SNTG1: variants seen among roughly 807,000 people sequenced by gnomAD.
The protein encoded by SNTG1 is gamma-1-syntrophin.
In SNTG1, 39 loss-of-function variants were observed where a neutral mutation model predicts 74.7. The observed-to-expected ratio is 0.52, with a 90% CI of 0.40 to 0.68. SNTG1 has a LOEUF of 0.68. Ranked by LOEUF, SNTG1 falls within the 30% of genes least tolerant of loss-of-function variation. The pLI is 0.00. For synonymous variants in SNTG1, 254 were observed against 217.1 expected (o/e 1.17, Z -1.49); for missense variants, 685 against 609.5 (o/e 1.12, Z -1.30).
intron 1 of SNTG1, among the ~76,000 whole-genome samples, chr8:50,008,098 G>A (rs939708666): frequency 4.6e-5 from 7 of 152,054 alleles, no homozygotes; most frequent in African/African-American, 1.7e-4. Context: ...AGATTTGAGT[G>A]GGGACACAGA....
At chr8:50,043,834 G>A (rs1818849000) in intron 1 of SNTG1, among the ~76,000 whole-genome samples, 1 of 152,200 alleles carries the variant, frequency 6.6e-6, no homozygotes, top group Non-Finnish European at 1.5e-5. Context: ...AAACAGCAAT[G>A]TAGGCTGAGG....
At chr8:49,963,120 A>G (rs1256112988) in intron 1 of SNTG1, among the ~76,000 whole-genome samples, 1 of 152,234 alleles carries the variant, frequency 6.6e-6, no homozygotes, top group East Asian at 1.9e-4. Flanking sequence ...GGAATACATG[A>G]GTGGATGCAT....
intron 1 of SNTG1, among the ~76,000 whole-genome samples, chr8:49,922,183 C>T (rs1399160014): frequency 1.3e-5 from 2 of 152,078 alleles, no homozygotes; most frequent in Non-Finnish European, 2.9e-5. Context: ...ATCAGAACAA[C>T]AGGAATTTCC....
intron 4 of SNTG1, among the ~76,000 whole-genome samples, chr8:50,420,096 T>C (rs2093063464): frequency 6.6e-6 from 1 of 152,036 alleles, no homozygotes; most frequent in Non-Finnish European, 1.5e-5. Flanking sequence ...GAAAAAGAGT[T>C]CAGACTCAGA....
chr8:50,792,081 T>C (rs1445550349), intron 18 of SNTG1, among the ~76,000 whole-genome samples: 1 of 107,930 alleles, frequency 9.3e-6, no homozygotes, highest in Admixed American at 8.6e-5. Context: ...CTCTAGTTTA[T>C]TTTTTTTTTT....
chr8:50,014,172 C>T (rs902133650), intron 1 of SNTG1, among the ~76,000 whole-genome samples: 1 of 152,118 alleles, frequency 6.6e-6, no homozygotes, highest in Non-Finnish European at 1.5e-5. Flanking sequence ...TTGCAGACAG[C>T]AGACAGATGT....
intron 9 of SNTG1, among the ~76,000 whole-genome samples, chr8:50,529,877 GGCCACTT>G (rs2094252215): frequency 6.6e-6 from 1 of 151,896 alleles, no homozygotes; most frequent in Admixed American, 6.6e-5. Flanking sequence ...TCTAAGAGCA[GGCCACTT>G]TAGATAATTA....
intron 9 of SNTG1, among the ~76,000 whole-genome samples, chr8:50,529,821 A>G (rs2094251565): frequency 6.6e-6 from 1 of 152,086 alleles, no homozygotes; most frequent in African/African-American, 2.4e-5. Flanking sequence ...GACATTAAAT[A>G]GAACTCTGTA....
chr8:50,491,804 T>C (rs2093857164), intron 8 of SNTG1, among the ~76,000 whole-genome samples: 1 of 152,068 alleles, frequency 6.6e-6, no homozygotes, highest in Non-Finnish European at 1.5e-5. Flanking sequence ...TGTGTACTTG[T>C]GCCATGGTGG....
chr8:50,658,583 C>A lies in SNTG1; in HGVS notation c.967-9C>A, dbSNP rs895045371. The A allele has an allele frequency of 3.8e-6, 6 of 1,582,458 alleles. No individual in the cohort carries two copies. The highest frequency in any genetic ancestry group is 1.7e-5 in the Admixed American group (1 of 57,970). On this transcript the variant is annotated splice_polypyrimidine_tract_variant and intron_variant, in intron 14 of 18. Transcript: ENST00000642720. The stretch of plus-strand genomic sequence containing the variant: ...AACAAATTAAACATTATTTTCTTAT[C>A]TTTTAAAGGTGACCACCTGGGACTG...
chr8:50,047,587 G>C lies in SNTG1; in HGVS notation c.-102-124974G>C, dbSNP rs1819205238. On this transcript the variant is annotated intron_variant, in intron 1 of 18. Coordinates refer to ENST00000642720, the MANE Select transcript of SNTG1 (RefSeq NM_018967.5). ...AATGTTTCATGGAACAAATTGATGG[G>C]GGAAATAGTTGCCATTTTAGAAAAC... is the stretch of plus-strand genomic sequence containing the variant. Among the ~76,000 whole-genome samples, 3 of 152,198 alleles carry C rather than the reference G, an allele frequency of 2.0e-5. No homozygotes were observed. The South Asian group carries it at 6.2e-4, about 32-fold the overall frequency.
chr8:49,975,406 C>T (rs1812098745), intron 1 of SNTG1, among the ~76,000 whole-genome samples: 1 of 152,134 alleles, frequency 6.6e-6, no homozygotes, highest in Non-Finnish European at 1.5e-5. Flanking sequence ...CAAAGCTATT[C>T]AAGGAAGCTT....
Position 50,756,230 on chromosome 8 carries a change from T to TC in SNTG1, c.1395+4120dup, listed in dbSNP as rs1563811017. On this transcript the variant is annotated intron_variant, in intron 18 of 18. Transcript: ENST00000642720. ...CTTTTTGCTCTCTTGAGAATGTCTTTCATAGAGCAGAAAATTTTAATTTTA... is the reference window on the plus strand; with the variant it reads ...CTTTTTGCTCTCTTGAGAATGTCTTTCCATAGAGCAGAAAATTTTAATTTTA... Among the ~76,000 whole-genome samples, 9 of 151,970 alleles carry TC rather than the reference T, an allele frequency of 5.9e-5. No individual in the cohort carries two copies. The South Asian group carries it at 1.9e-3, about 32-fold the overall frequency.
intron 15 of SNTG1, among the ~76,000 whole-genome samples, chr8:50,697,050 C>G (rs1369241447): frequency 6.6e-6 from 1 of 151,986 alleles, no homozygotes; most frequent in African/African-American, 2.4e-5. Flanking sequence ...GCCATTTTAA[C>G]AATATTAATT....
chr8:50,236,303 A>G (rs1418358078), intron 2 of SNTG1, among the ~76,000 whole-genome samples: 1 of 152,198 alleles, frequency 6.6e-6, no homozygotes, highest in Non-Finnish European at 1.5e-5. Context: ...CAGACATTCC[A>G]TAATATTTAT....
rs1040174988 is a variant in SNTG1 at position 50,339,237 on chromosome 8, C to T, written c.-27-54975C>T. Reference sequence around the variant, plus strand: ...CAAATGTAAAGAAGGAATGAAACTCCTCAGTCAAACAAAAATTGGGGAACA... The same window carrying T: ...CAAATGTAAAGAAGGAATGAAACTCTTCAGTCAAACAAAAATTGGGGAACA... On this transcript the variant is annotated intron_variant, in intron 2 of 18. Coordinates refer to ENST00000642720, the MANE Select transcript of SNTG1 (RefSeq NM_018967.5). Among the ~76,000 whole-genome samples, 17 of 152,102 alleles carry T rather than the reference C, an allele frequency of 1.1e-4. 1 individual carries two copies. In the South Asian group the frequency reaches 3.5e-3, roughly 32 times the overall value.
At chr8:50,518,157 C>G (rs191542060) in intron 9 of SNTG1, among the ~76,000 whole-genome samples, 1 of 152,278 alleles carries the variant, frequency 6.6e-6, no homozygotes, top group East Asian at 1.9e-4. Flanking sequence ...GAAACTCACT[C>G]AAAACCACAC....
intron 2 of SNTG1, among the ~76,000 whole-genome samples, chr8:50,208,384 C>T (rs954053922): frequency 1.3e-5 from 2 of 152,074 alleles, no homozygotes; most frequent in East Asian, 3.9e-4. Flanking sequence ...GATTGTAACC[C>T]TTGCTTTTTT....
At chr8:50,517,935 T>C (rs1240965689) in intron 9 of SNTG1, among the ~76,000 whole-genome samples, 3 of 152,206 alleles carry the variant, frequency 2.0e-5, no homozygotes, top group Admixed American at 6.5e-5. Flanking sequence ...GGACTTGAAC[T>C]CAGCTCTGGA....
Sources: allele counts gnomAD v4.1 joint callset (sites outside exome capture counted in the v4.1 genomes callset), GRCh38; gene constraint gnomAD v4.1.1; transcripts MANE v1.5; gene names NCBI Gene and HGNC (gene_info 2026-07-23, HGNC 2026-07-21).